Variants in RTL4 observed in about 807,000 individuals in gnomAD.
RTL4 encodes retrotransposon Gag-like protein 4.
RTL4 carries 4 observed loss-of-function variants against 5.3 expected under a neutral mutation model. The observed-to-expected ratio is 0.75, with a 90% CI of 0.37 to 1.72. The LOEUF is 1.72. Among genes scored for constraint, RTL4 ranks in the 40% most tolerant of loss-of-function variants. The probability of loss-of-function intolerance (pLI) is 0.04; values close to 1 mark genes in which losing one functional copy is unlikely to be tolerated. For missense variants in RTL4, 260 were observed against 227.1 expected (o/e 1.14, Z -0.93); for synonymous variants, 98 against 87.3 (o/e 1.12, Z -0.68).
the RTL4 span, among the ~76,000 whole-genome samples, chrX:112,125,660 A>C: frequency 1.8e-5 from 2 of 111,991 alleles, no homozygotes; most frequent in African/African-American, 6.5e-5. Context: ...AACTTCATTT[A>C]AATTCCTCAG....
chrX:112,375,855 T>C, the RTL4 span, among the ~76,000 whole-genome samples: 3 of 111,739 alleles, frequency 2.7e-5, no homozygotes, highest in Non-Finnish European at 3.8e-5. Flanking sequence ...ATGGCAGAAC[T>C]GAGTAGTTGT....
the RTL4 span, among the ~76,000 whole-genome samples, chrX:112,375,912 C>T: frequency 9.4e-3 from 1,052 of 111,627 alleles, 15 homozygotes; most frequent in African/African-American, 0.033. Flanking sequence ...ACTATAGGGA[C>T]TTTTAAATAA....
chrX:112,275,306 A>G, the RTL4 span, among the ~76,000 whole-genome samples: 1 of 110,306 alleles, frequency 9.1e-6, no homozygotes, highest in Non-Finnish European at 1.9e-5. Context: ...GCCTCCCTCT[A>G]GGGGAAGAGA....
chrX:112,164,925 G>A, the RTL4 span, among the ~76,000 whole-genome samples: 8 of 111,856 alleles, frequency 7.2e-5, no homozygotes, highest in South Asian at 3.8e-4. Flanking sequence ...TTCTCCTGCC[G>A]GATCTCCTAC....
the RTL4 span, among the ~76,000 whole-genome samples, chrX:112,103,371 A>AGAACACAT: frequency 1.8e-5 from 2 of 111,645 alleles, no homozygotes; most frequent in South Asian, 7.5e-4. Context: ...TTGAATGATG[A>AGAACACAT]GAACACATGA....
the RTL4 span, among the ~76,000 whole-genome samples, chrX:112,395,311 C>CA: frequency 1.8e-5 from 2 of 111,363 alleles, no homozygotes; most frequent in East Asian, 2.8e-4. Flanking sequence ...GCACTTGTCA[C>CA]AAAAAAGTAA....
chrX:112,287,786 T>A, the RTL4 span, among the ~76,000 whole-genome samples: 75 of 111,780 alleles, frequency 6.7e-4, no homozygotes, highest in Non-Finnish European at 1.2e-3. Context: ...GATTTTATTA[T>A]GGAAAACACC....
chrX:112,148,023 T>C, the RTL4 span, among the ~76,000 whole-genome samples: 1 of 111,497 alleles, frequency 9.0e-6, no homozygotes, highest in East Asian at 2.8e-4. Context: ...TGGAATCACA[T>C]TCACCTTTCT....
the RTL4 span, among the ~76,000 whole-genome samples, chrX:112,304,832 C>T: frequency 6.4e-5 from 7 of 109,168 alleles, no homozygotes; most frequent in South Asian, 1.2e-3. Context: ...TTTCCTCATG[C>T]TTCTTTCCTC....
At chrX:112,122,731 A>G in the RTL4 span, among the ~76,000 whole-genome samples, 4 of 111,416 alleles carry the variant, frequency 3.6e-5, no homozygotes, top group African/African-American at 9.8e-5. Flanking sequence ...CAAAAGAAAC[A>G]AAACTATTTT....
At chrX:112,431,624 G>A in the RTL4 span, among the ~76,000 whole-genome samples, 1 of 111,901 alleles carries the variant, frequency 8.9e-6, no homozygotes, top group South Asian at 3.7e-4. Context: ...GGGGGCAGCA[G>A]TTTGCCCTGT....
the RTL4 span, among the ~76,000 whole-genome samples, chrX:112,409,631 G>A: frequency 1.8e-5 from 2 of 109,220 alleles, no homozygotes; most frequent in Non-Finnish European, 3.8e-5. Context: ...TGAGGCAGGA[G>A]AATCACTTGA....
chrX:112,120,150 G>A, the RTL4 span, among the ~76,000 whole-genome samples: 1 of 112,030 alleles, frequency 8.9e-6, no homozygotes, highest in Non-Finnish European at 1.9e-5. Context: ...TTTCCAAATG[G>A]CCACCAATAT....
At chrX:112,207,577 C>T in the RTL4 span, among the ~76,000 whole-genome samples, 5 of 110,227 alleles carry the variant, frequency 4.5e-5, no homozygotes, top group African/African-American at 1.6e-4. Flanking sequence ...CGTCCATGCT[C>T]ATGGTCAACT....
chrX:112,292,263 A>G, the RTL4 span, among the ~76,000 whole-genome samples: 3 of 111,668 alleles, frequency 2.7e-5, no homozygotes, highest in African/African-American at 9.8e-5. Flanking sequence ...GACCAGAATT[A>G]TTTTCTCACT....
At chrX:112,173,353 G>A in the RTL4 span, among the ~76,000 whole-genome samples, 112 of 111,425 alleles carry the variant, frequency 1.0e-3, no homozygotes, top group African/African-American at 3.3e-3. Context: ...AGACTCTCTA[G>A]TGTGGTTGTA....
chrX:112,448,519 G>T, the RTL4 span, among the ~76,000 whole-genome samples: 1 of 111,663 alleles, frequency 9.0e-6, no homozygotes, highest in Non-Finnish European at 1.9e-5. Context: ...GCAAGTTATA[G>T]AATCTATGGG....
the RTL4 span, among the ~76,000 whole-genome samples, chrX:112,419,337 C>CCTTT: frequency 4.1e-5 from 1 of 24,375 alleles, no homozygotes; most frequent in Admixed American, 9.1e-4. Flanking sequence ...TTCCATTCAG[C>CCTTT]TTTTTTTTTT....
At chrX:112,092,751 G>A in the RTL4 span, among the ~76,000 whole-genome samples, 6 of 110,775 alleles carry the variant, frequency 5.4e-5, no homozygotes, top group Non-Finnish European at 9.5e-5. Context: ...GAGATCTGAT[G>A]GTTTTAAGAA....
Sources: allele counts gnomAD v4.1 joint callset (sites outside exome capture counted in the v4.1 genomes callset), GRCh38; gene constraint gnomAD v4.1.1; transcripts MANE v1.5; gene names NCBI Gene and HGNC (gene_info 2026-07-23, HGNC 2026-07-21).